PRKD2: variants seen among roughly 807,000 people sequenced by gnomAD.
PRKD2 encodes serine/threonine-protein kinase D2.
PRKD2 carries 22 observed loss-of-function variants against 86.0 expected under a neutral mutation model. That is an observed-to-expected ratio of 0.26 (90% CI 0.18 to 0.37). The LOEUF is 0.37. Among genes scored for constraint, PRKD2 ranks in the 10% least tolerant of loss-of-function variants. The pLI, the probability that PRKD2 is intolerant of heterozygous loss-of-function variation, is 1.00. For missense variants in PRKD2, 818 were observed against 1,199.2 expected, an observed-to-expected ratio of 0.68 and a Z score of 4.70; for synonymous variants, 509 against 510.9, an observed-to-expected ratio of 1.00 and a Z score of 0.05.
intron 7 of PRKD2, among the ~76,000 whole-genome samples, chr19:46,700,564 C>T (rs776084119): frequency 9.9e-5 from 15 of 151,826 alleles, no homozygotes; most frequent in Non-Finnish European, 1.8e-4. Flanking sequence ...CCCAGGTGGT[C>T]GAGGCTGCAG....
rs757066452 is a variant in PRKD2 at position 46,674,743 on chromosome 19, C to T, written c.2425-8G>A. On this transcript the variant is annotated splice_region_variant and splice_polypyrimidine_tract_variant and intron_variant, in intron 17 of 17. Transcript: ENST00000291281. ...CAGCCACGTCTGGTACTCCTGGGCC[C>T]GAGAGAACTGGGGTTAGCTTGGGGT... The T allele has an allele frequency of 1.1e-5, 17 of 1,602,058 alleles. No homozygotes were observed. Among genetic ancestry groups the T allele is most frequent in the Non-Finnish European group, 1.3e-5 (15 of 1,178,976 alleles).
At position 46,704,764 on chromosome 19, in the gene PRKD2, G is replaced by C. The variant is rs190211982; in HGVS notation, c.512-115C>G. 1.7e-3 allele frequency: 2,195 copies of C among 1,330,194 alleles called. 30 individuals carry two copies. The African/African-American group carries it at 0.027, about 16-fold the overall frequency. The allele number at this position is 1,330,194 out of a possible 1,614,324, so 82.4% of individuals were successfully genotyped here. ...ACCTGGTCCTGTCCCATCACCCCCC[G>C]CCAGCACGATCTCCTCCAAAAGGCA... On this transcript the variant is annotated intron_variant, in intron 3 of 17. Coordinates refer to ENST00000291281, the MANE Select transcript of PRKD2 (RefSeq NM_016457.5).
At chr19:46,699,530 C>A (rs902422035) in intron 7 of PRKD2, among the ~76,000 whole-genome samples, 1 of 152,184 alleles carries the variant, frequency 6.6e-6, no homozygotes, top group African/African-American at 2.4e-5. Context: ...GGTACCTCAT[C>A]GCCCCAGGAG....
intron 2 of PRKD2, among the ~76,000 whole-genome samples, chr19:46,711,558 A>G (rs1004556450): frequency 1.1e-4 from 17 of 151,634 alleles, no homozygotes; most frequent in African/African-American, 3.4e-4. Flanking sequence ...ACACCCGACT[A>G]ATTTTTGTAT....
At chr19:46,703,518 T>A (rs2053663496) in intron 5 of PRKD2, among the ~76,000 whole-genome samples, 1 of 152,092 alleles carries the variant, frequency 6.6e-6, no homozygotes, top group African/African-American at 2.4e-5. Flanking sequence ...ACGCCTGTAA[T>A]CCCGGCATTT....
chr19:46,690,848 G>C lies in PRKD2; in HGVS notation c.1703-142C>G, dbSNP rs2053473828. 10 of 667,618 alleles carry C rather than the reference G, an allele frequency of 1.5e-5. No homozygotes were observed. The South Asian group carries it at 1.8e-4, about 12-fold the overall frequency. The allele number at this position is 667,618 out of a possible 1,614,324, so 41.4% of individuals were successfully genotyped here. ...AGAGTTGGAAGGCCCCAGGAGATAC[G>C]TGAAAAGGCCACCTGAGGTGCACCT... On this transcript the variant is annotated intron_variant, in intron 12 of 17. Coordinates refer to ENST00000291281, the MANE Select transcript of PRKD2 (RefSeq NM_016457.5).
Position 46,717,057 on chromosome 19 carries a change from CT to C in PRKD2, c.-688del. On this transcript the variant is annotated 5_prime_UTR_variant, in exon 1 of 18. Transcript: ENST00000291281. The stretch of plus-strand genomic sequence containing the variant: ...GGAGGGTCGCCAGGCGCCAGTAGCT[CT>C]TTTTCCCCCTCCAAAGTTTAAGTCG... 1 of 154,344 alleles carries C rather than the reference CT, an allele frequency of 6.5e-6. No homozygotes were observed. The highest frequency in any genetic ancestry group is 1.4e-5 in the Non-Finnish European group (1 of 69,032). 9.6% of individuals were successfully genotyped at this position (154,344 alleles called of 1,614,324 possible). A position where few individuals can be genotyped will look rare whatever the true frequency, so the allele number is the denominator to read the frequency against.
Position 46,704,429 on chromosome 19 carries a change from T to C in PRKD2, c.667-38A>G, listed in dbSNP as rs1043523856. The stretch of plus-strand genomic sequence containing the variant: ...AGAATGGAGGGGACACATCAGTGCG[T>C]TGGCCCCATGCCTGGGCCAAGTCAC... On this transcript the variant is annotated intron_variant, in intron 4 of 17. Transcript: ENST00000291281. 4.7e-5 allele frequency: 76 copies of C among 1,613,654 alleles called. No homozygotes were observed. The East Asian group carries it at 1.3e-3, about 27-fold the overall frequency.
At chr19:46,703,255 G>C (rs1433242542) in intron 5 of PRKD2, among the ~76,000 whole-genome samples, 4 of 152,108 alleles carry the variant, frequency 2.6e-5, no homozygotes, top group African/African-American at 4.8e-5. Flanking sequence ...CTATGGTTCT[G>C]ATTCTAGAAT....
At chr19:46,698,040 C>T (rs1186644862) in intron 7 of PRKD2, among the ~76,000 whole-genome samples, 190 bp from the exon 8 acceptor site, 1 of 152,132 alleles carries the variant, frequency 6.6e-6, no homozygotes, top group South Asian at 2.1e-4. Context: ...CTCGCTCTGT[C>T]ACCCAGGCTG....
At chr19:46,696,944 A>G (rs1024071121) in intron 9 of PRKD2, among the ~76,000 whole-genome samples, 27 of 152,068 alleles carry the variant, frequency 1.8e-4, no homozygotes, top group African/African-American at 5.6e-4. Context: ...ACTGAGAAGT[A>G]AGGGAACCTG....
At position 46,716,139 on chromosome 19, in the gene PRKD2, C is replaced by G; in HGVS notation, c.232G>C (p.Asp78His). 1 of 1,609,960 alleles carries G rather than the reference C, an allele frequency of 6.2e-7. No homozygotes were observed. Among genetic ancestry groups the G allele is most frequent in the Non-Finnish European group, 8.5e-7 (1 of 1,178,810 alleles). ...HVKQLACSIV[D>H]QKFPECGFYG... is the part of the protein sequence containing the mutation. ...GGAGCCTGCGCCCTCACCTTCTGGTCCACGATGGAACAGGCCAGCTGCTTC... is the reference window on the plus strand; with the variant it reads ...GGAGCCTGCGCCCTCACCTTCTGGTGCACGATGGAACAGGCCAGCTGCTTC... The change falls in exon 1 of 18, where the codon GAC (aspartate) becomes CAC (histidine). Residue 78 changes from aspartate (D) to histidine (H), a missense_variant. Coordinates refer to ENST00000291281, the MANE Select transcript of PRKD2 (RefSeq NM_016457.5). This position sits in a 1 kb window ranked among gnomAD's most constrained non-coding sequence, Gnocchi z 7.9.
intron 3 of PRKD2, among the ~76,000 whole-genome samples, chr19:46,707,925 C>T (rs1487247414): frequency 1.3e-5 from 2 of 152,018 alleles, no homozygotes; most frequent in Non-Finnish European, 2.9e-5. Flanking sequence ...GGTGAAACCC[C>T]GTCTCTACTA....
At position 46,717,108 on chromosome 19, in the gene PRKD2, G is replaced by A. The variant is rs2053891175; in HGVS notation, c.-738C>T. Reference sequence around the variant, plus strand: ...GGCGGCGGCGGCGGCGGCCCAGGAGGAAGTGTCCGGAGCGACAGTGCAGTC... The same window carrying A: ...GGCGGCGGCGGCGGCGGCCCAGGAGAAAGTGTCCGGAGCGACAGTGCAGTC... On this transcript the variant is annotated 5_prime_UTR_variant, in exon 1 of 18. Coordinates refer to ENST00000291281, the MANE Select transcript of PRKD2 (RefSeq NM_016457.5). The A allele has an allele frequency of 6.5e-6, 1 of 153,920 alleles. No homozygotes were observed. The highest frequency in any genetic ancestry group is 1.4e-5 in the Non-Finnish European group (1 of 69,304). 9.5% of individuals were successfully genotyped at this position (153,920 alleles called of 1,614,324 possible).
chr19:46,711,098 C>G (rs2053802122), intron 2 of PRKD2, 60 bp from the exon 3 acceptor site: 30 of 1,514,688 alleles, frequency 2.0e-5, no homozygotes, highest in Non-Finnish European at 2.6e-5. Flanking sequence ...TTTTCCAGAC[C>G]CCACGTTCCC....
At position 46,678,367 on chromosome 19, in the gene PRKD2, C is replaced by A; in HGVS notation, c.2338+29G>T. 6.2e-7 allele frequency: 1 copy of A among 1,610,644 alleles called. No individual in the cohort carries two copies. Among genetic ancestry groups the A allele is most frequent in the East Asian group, 2.2e-5 (1 of 44,762 alleles). ...CTCCAGCCCCACCCCACAACCCACC[C>A]GCCCATGGGGTAGGCGGGCCCCAGG... is the stretch of plus-strand genomic sequence containing the variant. On this transcript the variant is annotated intron_variant, in intron 16 of 17. Coordinates refer to ENST00000291281, the MANE Select transcript of PRKD2 (RefSeq NM_016457.5). This position sits in a 1 kb window ranked among gnomAD's most constrained non-coding sequence, Gnocchi z 5.7.
In PRKD2 at chr19:46,701,024, C is replaced by G. The variant is rs199865430; in HGVS notation, c.967+11G>C. The G allele has an allele frequency of 2.5e-6, 4 of 1,614,248 alleles. No individual in the cohort carries two copies. The highest frequency in any genetic ancestry group is 3.4e-6 in the Non-Finnish European group (4 of 1,180,044). The stretch of plus-strand genomic sequence containing the variant: ...TTCCCCTTTCTCCCCAGCATCCCCC[C>G]AGCCTCTCACCTCCATTGATAAGGG... On this transcript the variant is annotated intron_variant, in intron 6 of 17. Coordinates refer to ENST00000291281, the MANE Select transcript of PRKD2 (RefSeq NM_016457.5).
At chr19:46,702,640 T>A (rs2053652379) in intron 5 of PRKD2, among the ~76,000 whole-genome samples, 1 of 152,062 alleles carries the variant, frequency 6.6e-6, no homozygotes, top group African/African-American at 2.4e-5. Flanking sequence ...ATTCTTGAAT[T>A]GGATGTTTCT....
At position 46,713,891 on chromosome 19, in the gene PRKD2, C is replaced by A. The variant is rs1360459560; in HGVS notation, c.351G>T (p.Glu117Asp). Residue 117 changes from glutamate (E) to aspartate (D), a missense_variant, in exon 2 of 18, where the codon GAG becomes GAT. By Grantham distance (45) the Glu-to-Asp change is conservative. This residue lies in a region of PRKD2 where 403 missense variants were observed against 518.6 expected (regional missense o/e 0.78). Transcript: ENST00000291281. ...ACAGCACCACCTCCACCAGGTCGCC[C>A]TCCTGGATGTCTCCGGACGAGCGCA... ...QLVRSSGDIQ[E>D]GDLVEVVLSA... 1.9e-6 allele frequency: 3 copies of A among 1,611,756 alleles called. No individual in the cohort carries two copies. The highest frequency in any genetic ancestry group is 2.7e-5 in the African/African-American group (2 of 74,860).
Sources: allele counts gnomAD v4.1 joint callset (sites outside exome capture counted in the v4.1 genomes callset), GRCh38; gene constraint gnomAD v4.1.1; regional missense constraint gnomAD v4.1.1; non-coding constraint Gnocchi (gnomAD v3.1); transcripts MANE v1.5; gene names NCBI Gene and HGNC (gene_info 2026-07-23, HGNC 2026-07-21).